Variants in HOMER1 observed in about 807,000 individuals in gnomAD.
The protein encoded by HOMER1 is homer scaffold protein 1, also known as homer protein homolog 1.
HOMER1 carries 3 observed loss-of-function variants against 48.9 expected under a neutral mutation model. That is an observed-to-expected ratio of 0.06 (90% CI 0.03 to 0.16). The LOEUF is 0.16. HOMER1 is among the 10% of genes least tolerant of loss of function. HOMER1 has a pLI of 1.00. For missense variants in HOMER1, 247 were observed against 411.4 expected (o/e 0.60, Z 3.46); for synonymous variants, 134 against 146.4 (o/e 0.92, Z 0.61).
Position 79,495,510 on chromosome 5 carries a change from T to C in HOMER1, c.5+17260A>G, listed in dbSNP as rs143781682. ...TTACAGCACTTAAATCACAGTATTG[T>C]AATTTTTTGTTTACATGGCTATCTA... On this transcript the variant is annotated intron_variant, in intron 1 of 8. Transcript: ENST00000334082. Among the ~76,000 whole-genome samples the C allele has an allele frequency of 4.1e-4, 63 of 152,338 alleles. 2 individuals are homozygous for C. In the East Asian group the frequency reaches 0.011, roughly 28 times the overall value.
At chr5:79,424,733 A>G (rs555356893) in intron 5 of HOMER1, among the ~76,000 whole-genome samples, 1 of 152,220 alleles carries the variant, frequency 6.6e-6, no homozygotes, top group Non-Finnish European at 1.5e-5. Flanking sequence ...AAGAAATGGC[A>G]TCTATGAGTC....
At position 79,396,838 on chromosome 5, in the gene HOMER1, C is replaced by A; in HGVS notation, c.861G>T (p.Leu287Phe). ...TACAGCTCACCTGTAGTTTCTGAGT[C>A]AAAGAATCCCTCTGTTCTTGTAGTT... ...ARELQEQRDS[L>F]TQKLQEVEIR... Residue 287 changes from leucine (L) to phenylalanine (F), a missense_variant, in exon 8 of 9, where the codon TTG becomes TTT. By Grantham distance (22) the Leu-to-Phe change is conservative. Transcript: ENST00000334082. 6.3e-7 allele frequency: 1 copy of A among 1,597,668 alleles called. No homozygotes were observed. Among genetic ancestry groups the A allele is most frequent in the South Asian group, 1.1e-5 (1 of 90,126 alleles).
At chr5:79,510,676 T>A in intron 1 of HOMER1, 1 of 928,640 alleles carries the variant, frequency 1.1e-6, no homozygotes, top group South Asian at 1.3e-5. Flanking sequence ...CCAAGGAGGT[T>A]AAGCCCAAGA....
chr5:79,443,019 T>C (rs968155044), intron 4 of HOMER1, among the ~76,000 whole-genome samples: 10 of 152,230 alleles, frequency 6.6e-5, no homozygotes, highest in Non-Finnish European at 1.5e-4. Flanking sequence ...TATTGGCTGA[T>C]TGATGCTTAG....
intron 8 of HOMER1, among the ~76,000 whole-genome samples, chr5:79,386,884 G>A (rs1425482636): frequency 2.6e-5 from 4 of 151,854 alleles, no homozygotes; most frequent in African/African-American, 9.7e-5. Flanking sequence ...TACCACCACT[G>A]GCACCAGATC....
chr5:79,396,790 C>T (rs937755941), intron 8 of HOMER1, 33 bp downstream of exon 8: 2 of 1,294,536 alleles, frequency 1.5e-6, no homozygotes, highest in Admixed American at 1.8e-5. Flanking sequence ...CCTTTCTATG[C>T]AGAAGTGAAT....
At chr5:79,454,608 G>A (rs1245011933) in intron 2 of HOMER1, among the ~76,000 whole-genome samples, 1 of 151,810 alleles carries the variant, frequency 6.6e-6, no homozygotes, top group East Asian at 1.9e-4. Context: ...AATCCTCCAA[G>A]TAAAAATGAA....
rs559453337 is a variant in HOMER1 at position 79,469,791 on chromosome 5, C to T, written c.6-12773G>A. On this transcript the variant is annotated intron_variant, in intron 1 of 8. Coordinates refer to ENST00000334082, the MANE Select transcript of HOMER1 (RefSeq NM_004272.5). ...ATTGGACACAAGCTACCTCGCCCCA[C>T]ATTACTTTCAAATTTTGTCAGCGTT... Among the ~76,000 whole-genome samples the T allele has an allele frequency of 3.9e-3, 594 of 152,234 alleles. 2 individuals carry two copies. The highest frequency in any genetic ancestry group is 6.9e-3 in the South Asian group (33 of 4,816).
chr5:79,436,366 T>C (rs1289413232), intron 5 of HOMER1, among the ~76,000 whole-genome samples: 1 of 152,188 alleles, frequency 6.6e-6, no homozygotes, highest in African/African-American at 2.4e-5. Flanking sequence ...ACAATGTGCT[T>C]GTGTTGGGTA....
chr5:79,451,556 CTTT>C (rs71615542), intron 2 of HOMER1, among the ~76,000 whole-genome samples: 5 of 64,640 alleles, frequency 7.7e-5, no homozygotes, highest in South Asian at 6.8e-4. Context: ...AAATATGACA[CTTT>C]TTTTTTTTTT....
intron 5 of HOMER1, among the ~76,000 whole-genome samples, chr5:79,427,667 TCCTTCCCTTCCTTCCTTC>T (rs1374238473): frequency 2.9e-5 from 3 of 104,396 alleles, no homozygotes; most frequent in African/African-American, 4.2e-5. Flanking sequence ...TTCCTTCCTT[TCCTTCCCTTCCTTCCTTC>T]CCTTCCTTCC....
chr5:79,504,926 G>A (rs868395593), intron 1 of HOMER1, among the ~76,000 whole-genome samples: 12 of 152,116 alleles, frequency 7.9e-5, no homozygotes, highest in African/African-American at 2.7e-4. Context: ...GAAGCACAGC[G>A]TATAATACCC....
At chr5:79,401,246 A>T (rs1749529680) in intron 6 of HOMER1, among the ~76,000 whole-genome samples, 1 of 152,192 alleles carries the variant, frequency 6.6e-6, no homozygotes, top group South Asian at 2.1e-4. Context: ...ACAAATTTTC[A>T]TAGGAATTGT....
At chr5:79,407,259 C>T (rs1001485312) in intron 5 of HOMER1, among the ~76,000 whole-genome samples, 1 of 151,858 alleles carries the variant, frequency 6.6e-6, no homozygotes, top group African/African-American at 2.4e-5. Context: ...TCATTACTGT[C>T]CTCCACACAA....
chr5:79,494,390 T>C (rs1752367728), intron 1 of HOMER1, among the ~76,000 whole-genome samples: 2 of 152,202 alleles, frequency 1.3e-5, no homozygotes, highest in Non-Finnish European at 2.9e-5. Flanking sequence ...TCCTCTTGGT[T>C]CCCTTTATCA....
chr5:79,407,285 G>GA (rs201041820), intron 5 of HOMER1, among the ~76,000 whole-genome samples: 34 of 136,130 alleles, frequency 2.5e-4, no homozygotes, highest in East Asian at 8.4e-4. Flanking sequence ...AGCATTCAAT[G>GA]AAAAAAAAAA....
intron 8 of HOMER1, among the ~76,000 whole-genome samples, chr5:79,384,800 T>C (rs1244790374): frequency 6.6e-6 from 1 of 152,088 alleles, no homozygotes; most frequent in Non-Finnish European, 1.5e-5. Flanking sequence ...TGATACACCA[T>C]AATCAAATGG....
intron 5 of HOMER1, among the ~76,000 whole-genome samples, chr5:79,409,474 G>A (rs934458330): frequency 1.9e-4 from 28 of 149,508 alleles, no homozygotes; most frequent in South Asian, 4.2e-4. Context: ...TTGGATCTGC[G>A]ATGATTTCTT....
intron 8 of HOMER1, among the ~76,000 whole-genome samples, chr5:79,387,029 C>T (rs1476384843): frequency 7.4e-6 from 1 of 135,940 alleles, no homozygotes; most frequent in African/African-American, 2.8e-5. Flanking sequence ...CCTTCTTTCT[C>T]CCTCCCTCCC....
Sources: gnomAD v4.1 joint callset for allele counts (sites outside exome capture counted in the v4.1 genomes callset) on GRCh38, gnomAD v4.1.1 for gene constraint, MANE v1.5 for transcripts, NCBI Gene and HGNC (gene_info 2026-07-23, HGNC 2026-07-21) for gene names.